Variants in VSTM2A observed in about 807,000 individuals in gnomAD.
The protein encoded by VSTM2A is V-set and transmembrane domain-containing protein 2A.
In VSTM2A, 13 loss-of-function variants were observed where a neutral mutation model predicts 27.3. The observed-to-expected ratio is 0.48, with a 90% confidence interval of 0.31 to 0.76. The LOEUF (loss-of-function observed/expected upper bound fraction) is 0.76. VSTM2A is among the 30% of genes least tolerant of loss of function. VSTM2A has a pLI of 0.05. For synonymous variants in VSTM2A, 142 were observed against 125.7 expected (o/e 1.13, Z -0.87); for missense variants, 280 against 310.0 (o/e 0.90, Z 0.73).
chr7:54,560,666 A>T lies in VSTM2A; in HGVS notation c.635-8465A>T, dbSNP rs1045331432. Among the ~76,000 whole-genome samples, 3 of 152,184 alleles carry T rather than the reference A, an allele frequency of 2.0e-5. 1 individual carries two copies. The highest frequency in any genetic ancestry group is 7.2e-5 in the African/African-American group (3 of 41,466). On this transcript the variant is annotated intron_variant, in intron 4 of 4. Transcript: ENST00000402613. ...TCAGAATCCTATAGGTATAAAACAT[A>T]CCTAATATAGGTGAAACAGTGCTTG...
chr7:54,544,744 G>A lies in VSTM2A; in HGVS notation c.202G>A (p.Gly68Arg), dbSNP rs758682865. 1.2e-5 allele frequency: 20 copies of A among 1,612,236 alleles called. No homozygotes were observed. Among genetic ancestry groups the A allele is most frequent in the Middle Eastern group, 1.6e-4 (1 of 6,068 alleles). Residue 68 changes from glycine (G) to arginine (R), a missense_variant, in exon 2 of 5, where the codon GGG becomes AGG. By Grantham distance (125) the Gly-to-Arg change is moderately radical (BLOSUM62 -2). Coordinates refer to ENST00000402613, the MANE Select transcript of VSTM2A (RefSeq NM_001301009.2). ...GGAGATCCAATGGTGGTTCCTGCGG[G>A]GGCCGGAGGACCTGGATCCCGGGGC... The part of the protein sequence containing the change: ...YLEIQWWFLR[G>R]PEDLDPGAEG...
At position 54,569,306 on chromosome 7, in the gene VSTM2A, A is replaced by G. The variant is rs1056753024; in HGVS notation, c.*87A>G. On this transcript the variant is annotated 3_prime_UTR_variant, in exon 5 of 5. Coordinates refer to ENST00000402613, the MANE Select transcript of VSTM2A (RefSeq NM_001301009.2). ...TTGATCATATTTTCTTTGGCAAAACACTGATCTTTTATTTTAAGAGAATTA... is the reference window on the plus strand; with the variant it reads ...TTGATCATATTTTCTTTGGCAAAACGCTGATCTTTTATTTTAAGAGAATTA... The G allele has an allele frequency of 6.6e-7, 1 of 1,521,372 alleles. No homozygotes were observed. Among genetic ancestry groups the G allele is most frequent in the Non-Finnish European group, 8.8e-7 (1 of 1,132,648 alleles). 94.2% of individuals were successfully genotyped at this position (1,521,372 alleles called of 1,614,324 possible).
intron 4 of VSTM2A, chr7:54,551,231 T>C (rs1788183245): frequency 6.6e-6 from 1 of 152,100 alleles, no homozygotes; most frequent in Admixed American, 6.6e-5. Context: ...AATATATATA[T>C]ACATGTAGAA....
intron 3 of VSTM2A, among the ~76,000 whole-genome samples, chr7:54,547,481 G>C (rs1164917528): frequency 1.3e-5 from 2 of 152,060 alleles, no homozygotes; most frequent in Non-Finnish European, 2.9e-5. Context: ...CTGTTATTAA[G>C]AATATATAAA....
In VSTM2A at chr7:54,569,553, C is replaced by A. The variant is rs911407017; in HGVS notation, c.*334C>A. On this transcript the variant is annotated 3_prime_UTR_variant, in exon 5 of 5. Transcript: ENST00000402613. ...GAACAGAAGCTATCATCAGACAAAA[C>A]CCCCTTTTTAGGGGAAGAACAAAAC... 58 of 229,206 alleles carry A rather than the reference C, an allele frequency of 2.5e-4. No individual in the cohort carries two copies. Among genetic ancestry groups the A allele is most frequent in the African/African-American group, 1.2e-3 (53 of 44,326 alleles). 14.2% of individuals were successfully genotyped at this position (229,206 alleles called of 1,614,324 possible). A position where few individuals can be genotyped will look rare whatever the true frequency, so the allele number is the denominator to read the frequency against.
chr7:54,544,522 T>C, intron 1 of VSTM2A, 100 bp from the exon 2 acceptor site: 2 of 1,448,238 alleles, frequency 1.4e-6, no homozygotes, highest in South Asian at 2.3e-5. Flanking sequence ...AGGGGTTTTG[T>C]TGCTATTTAA....
intron 2 of VSTM2A, 148 bp from the exon 3 acceptor site, chr7:54,546,799 C>T: frequency 1.1e-6 from 1 of 949,498 alleles, no homozygotes; most frequent in Non-Finnish European, 1.5e-6. Context: ...CGGTCTGGGC[C>T]TGGACAGGGG....
intron 1 of VSTM2A, among the ~76,000 whole-genome samples, chr7:54,543,395 T>A (rs890336933): frequency 3.3e-5 from 5 of 152,106 alleles, no homozygotes; most frequent in Non-Finnish European, 7.4e-5. Context: ...ACAGATCACA[T>A]CTCTGGTGCC....
rs513529 is a variant in VSTM2A, at chr7:54,542,600, A to G, written c.-131A>G. 0.33 allele frequency: 250,284 copies of G among 767,632 alleles called. 42,273 individuals carry two copies. The highest frequency in any genetic ancestry group is 0.51 in the African/African-American group (29,271 of 57,386). 47.6% of individuals were successfully genotyped at this position (767,632 alleles called of 1,614,324 possible). On this transcript the variant is annotated 5_prime_UTR_variant, in exon 1 of 5. Transcript: ENST00000402613. The stretch of plus-strand genomic sequence containing the variant: ...CTTCTCCCCACAGCCAGCCCTCGCC[A>G]AGCAAGCAGCAGGATGTTTGCAGTG...
intron 3 of VSTM2A, among the ~76,000 whole-genome samples, chr7:54,547,941 G>GA (rs1399726700): frequency 1.3e-5 from 2 of 151,940 alleles, no homozygotes; most frequent in Non-Finnish European, 2.9e-5. Context: ...CAACATGGAA[G>GA]AAAAAATGAC....
Position 54,543,611 on chromosome 7 carries a change from G to A in VSTM2A, c.79+802G>A, listed in dbSNP as rs187962569. The stretch of plus-strand genomic sequence containing the variant: ...TCTCTTTAAACCGGGGGTGAGGTGA[G>A]GGGTGGGGGGAGGAGTGCATCCACC... On this transcript the variant is annotated intron_variant, in intron 1 of 4. Transcript: ENST00000402613. Among the ~76,000 whole-genome samples, 706 of 152,082 alleles carry A rather than the reference G, an allele frequency of 4.6e-3. 10 individuals are homozygous for A. Among genetic ancestry groups the A allele is most frequent in the African/African-American group, 0.016 (666 of 41,476 alleles).
intron 4 of VSTM2A, chr7:54,554,121 C>G: frequency 6.5e-7 from 1 of 1,545,246 alleles, no homozygotes; most frequent in Admixed American, 2.0e-5. Context: ...ATGCAAGTCA[C>G]TGGTGTCTCC....
intron 4 of VSTM2A, chr7:54,554,154 C>G: frequency 6.6e-7 from 1 of 1,521,782 alleles, no homozygotes; most frequent in Non-Finnish European, 8.8e-7. Context: ...CCCACCCTCT[C>G]ACATCTCGTC....
chr7:54,562,626 G>T (rs1788597521), intron 4 of VSTM2A, among the ~76,000 whole-genome samples: 1 of 152,108 alleles, frequency 6.6e-6, no homozygotes, highest in Non-Finnish European at 1.5e-5. Context: ...ACTTCTGTTG[G>T]CTTCCTAATT....
chr7:54,544,805 A>G lies in VSTM2A; in HGVS notation c.246+17A>G. ...GGCGCGCAGGTAGCGGAGCCCGCCG[A>G]CCCCGCGTCTCCCCTTCGCTCGCCC... On this transcript the variant is annotated intron_variant, in intron 2 of 4. Transcript: ENST00000402613. 6.3e-7 allele frequency: 1 copy of G among 1,581,208 alleles called. No homozygotes were observed. The highest frequency in any genetic ancestry group is 1.1e-5 in the South Asian group (1 of 88,160).
intron 2 of VSTM2A, among the ~76,000 whole-genome samples, chr7:54,545,127 G>C (rs1787904985): frequency 1.3e-5 from 2 of 152,054 alleles, no homozygotes; most frequent in Non-Finnish European, 1.5e-5. Context: ...ACGAAAGGAG[G>C]GGGAGGGGAA....
Position 54,542,423 on chromosome 7 carries a change from C to T in VSTM2A, c.-308C>T. The T allele has an allele frequency of 2.2e-6, 1 of 452,622 alleles. No homozygotes were observed. The highest frequency in any genetic ancestry group is 3.2e-5 in the South Asian group (1 of 30,858). The allele number at this position is 452,622 out of a possible 1,614,324, so 28.0% of individuals were successfully genotyped here. On this transcript the variant is annotated 5_prime_UTR_variant, in exon 1 of 5. Transcript: ENST00000402613. Reference sequence around the variant, plus strand: ...TAGGGAGGGCAGTGATCACGCAAGCCGGAGCGGCGGGCTGACGTTGGACGA... The same window carrying T: ...TAGGGAGGGCAGTGATCACGCAAGCTGGAGCGGCGGGCTGACGTTGGACGA...
Position 54,542,567 on chromosome 7 carries a change from C to T in VSTM2A, c.-164C>T. The stretch of plus-strand genomic sequence containing the variant: ...CCAGCTGGTTCTAACCTTCCAGAAT[C>T]GCAATCCCTTCTCCCCACAGCCAGC... On this transcript the variant is annotated 5_prime_UTR_variant, in exon 1 of 5. Coordinates refer to ENST00000402613, the MANE Select transcript of VSTM2A (RefSeq NM_001301009.2). 1 of 631,826 alleles carries T rather than the reference C, an allele frequency of 1.6e-6. No homozygotes were observed. Among genetic ancestry groups the T allele is most frequent in the South Asian group, 2.0e-5 (1 of 50,800 alleles). The allele number at this position is 631,826 out of a possible 1,614,324, so 39.1% of individuals were successfully genotyped here. A position where few individuals can be genotyped will look rare whatever the true frequency, so the allele number is the denominator to read the frequency against.
At chr7:54,547,020 G>C (rs757916739) in intron 3 of VSTM2A, 23 bp downstream of exon 3, 1 of 1,570,426 alleles carries the variant, frequency 6.4e-7, no homozygotes, top group South Asian at 1.1e-5. Flanking sequence ...CGCGCCAAGG[G>C]CCGCGGGCCC....
Sources: allele counts gnomAD v4.1 joint callset (sites outside exome capture counted in the v4.1 genomes callset), GRCh38; gene constraint gnomAD v4.1.1; transcripts MANE v1.5; gene names NCBI Gene and HGNC (gene_info 2026-07-23, HGNC 2026-07-21).